Variants in ANO1 observed in about 807,000 individuals in gnomAD.
ANO1 encodes the protein anoctamin 1, also known as anoctamin-1.
ANO1 carries 59 observed loss-of-function variants against 124.0 expected under a neutral mutation model. The observed-to-expected ratio is 0.48, with a 90% CI of 0.39 to 0.59. The LOEUF is 0.59. Ranked by LOEUF, ANO1 falls within the 20% of genes least tolerant of loss-of-function variation. The pLI, the probability that ANO1 is intolerant of heterozygous loss-of-function variation, is 0.00. For synonymous variants in ANO1, 529 were observed against 532.0 expected, an observed-to-expected ratio of 0.99 and a Z score of 0.08; for missense variants, 1,059 against 1,328.0, an observed-to-expected ratio of 0.80 and a Z score of 3.15.
At chr11:70,162,568 G>A (rs1207693415) in intron 18 of ANO1, among the ~76,000 whole-genome samples, 1 of 152,110 alleles carries the variant, frequency 6.6e-6, no homozygotes, top group Non-Finnish European at 1.5e-5. Context: ...ATCCCAGGCT[G>A]CGGTGGGGCC....
At chr11:70,180,278 GTT>G (rs35515891) in intron 23 of ANO1, among the ~76,000 whole-genome samples, 1 of 148,172 alleles carries the variant, frequency 6.7e-6, no homozygotes. Context: ...TTTTCTGCAA[GTT>G]TTTTTTTTTT....
intron 2 of ANO1, among the ~76,000 whole-genome samples, chr11:70,096,727 G>A (rs972643304): frequency 7.9e-5 from 12 of 152,154 alleles, no homozygotes; most frequent in African/African-American, 2.9e-4. Context: ...TGGGCATGGT[G>A]GCACATGCCT....
intron 24 of ANO1, 92 bp from the exon 25 acceptor site, chr11:70,185,498 C>A: frequency 1.7e-6 from 2 of 1,191,254 alleles, no homozygotes; most frequent in Non-Finnish European, 2.4e-6. Flanking sequence ...CCAAGCTGAG[C>A]CTCTCCCAGG....
rs1022476361 is a variant in ANO1 at position 69,997,913 on chromosome 11, C to G, written c.58+11747C>G. Among the ~76,000 whole-genome samples the G allele has an allele frequency of 2.0e-5, 3 of 152,324 alleles. No individual in the cohort carries two copies. The East Asian group carries it at 5.8e-4, about 29-fold the overall frequency. The stretch of plus-strand genomic sequence containing the variant: ...AGATGCTGCCATGTTTCCTGTACAG[C>G]CTGCGGAGCCATCAGCCAAATTAAA... On this transcript the variant is annotated intron_variant, in intron 1 of 27. Transcript: ENST00000531349.
rs1225631957 is a variant in ANO1 at position 70,137,278 on chromosome 11, C to T, written c.1258+5199C>T. Among the ~76,000 whole-genome samples the T allele has an allele frequency of 3.4e-5, 5 of 146,286 alleles. 2 individuals are homozygous for T. Among genetic ancestry groups the T allele is most frequent in the Admixed American group, 7.3e-5 (1 of 13,724 alleles). On this transcript the variant is annotated intron_variant, in intron 11 of 25. Coordinates refer to ENST00000355303, the MANE Select transcript of ANO1 (RefSeq NM_018043.7). ...TTTCACAGAGGAGGAAAGTGAGGCT[C>T]CATTGGCACAGCCGGGAACTGAAGC...
intron 1 of ANO1, 51 bp downstream of exon 1, chr11:70,078,765 T>C: frequency 7.8e-7 from 1 of 1,275,822 alleles, no homozygotes; most frequent in Non-Finnish European, 1.0e-6. Flanking sequence ...ACCTGCGCCT[T>C]GGCGAGGGCG....
chr11:70,078,875 G>T (rs1174393989), intron 1 of ANO1, among the ~76,000 whole-genome samples, 161 bp downstream of exon 1: 6 of 150,900 alleles, frequency 4.0e-5, no homozygotes, highest in African/African-American at 1.5e-4. Flanking sequence ...GTGCCGGGAA[G>T]GGCGCGCCGG....
chr11:69,985,708 C>T (rs1276936278), upstream of ANO1, among the ~76,000 whole-genome samples: 4 of 152,184 alleles, frequency 2.6e-5, no homozygotes, highest in East Asian at 7.7e-4. Context: ...TGGAGACGCG[C>T]CCCGCGCAGC....
chr11:70,181,134 T>A (rs1238965354), intron 23 of ANO1, among the ~76,000 whole-genome samples: 2 of 152,122 alleles, frequency 1.3e-5, no homozygotes, highest in Non-Finnish European at 2.9e-5. Context: ...CCATGGGGAG[T>A]CTGCTGTGCC....
At chr11:70,175,517 C>T (rs557370165) in intron 22 of ANO1, among the ~76,000 whole-genome samples, 9 of 152,366 alleles carry the variant, frequency 5.9e-5, no homozygotes, top group Non-Finnish European at 1.2e-4. Flanking sequence ...GTGCCTTGAT[C>T]ACCCTGTCGT....
chr11:70,139,886 G>A (rs770029031), intron 11 of ANO1, among the ~76,000 whole-genome samples: 3 of 152,182 alleles, frequency 2.0e-5, no homozygotes, highest in Non-Finnish European at 4.4e-5. Context: ...AACTGGCTCC[G>A]GCTGGCGTGT....
intron 1 of ANO1, among the ~76,000 whole-genome samples, chr11:70,001,441 C>T (rs577744729): frequency 5.8e-4 from 88 of 152,284 alleles, no homozygotes; most frequent in African/African-American, 2.0e-3. Flanking sequence ...CACTCAGACA[C>T]GAGGATGGAT....
intron 1 of ANO1, among the ~76,000 whole-genome samples, chr11:70,008,316 T>C (rs1199711663): frequency 6.6e-6 from 1 of 152,176 alleles, no homozygotes; most frequent in African/African-American, 2.4e-5. Context: ...CAAGAAACAA[T>C]GCCAAGTCAT....
At chr11:70,073,418 C>T (rs782462471), upstream of ANO1, among the ~76,000 whole-genome samples, 5 of 152,166 alleles carry the variant, frequency 3.3e-5, no homozygotes, top group East Asian at 1.9e-4. Flanking sequence ...ACCCTAACCG[C>T]GCGACTTAAC....
intron 1 of ANO1, among the ~76,000 whole-genome samples, chr11:69,993,982 C>T (rs1274557482): frequency 1.3e-5 from 2 of 152,026 alleles, no homozygotes; most frequent in African/African-American, 4.8e-5. Context: ...CACGCATCTG[C>T]CCCACATTCA....
chr11:70,052,944 T>C (rs1020339217), intron 1 of ANO1, among the ~76,000 whole-genome samples: 1 of 152,218 alleles, frequency 6.6e-6, no homozygotes, highest in South Asian at 2.1e-4. Flanking sequence ...TTGTCTCTCT[T>C]AGTAATGTTT....
At chr11:70,007,059 C>G (rs76145066) in intron 1 of ANO1, among the ~76,000 whole-genome samples, 1 of 152,096 alleles carries the variant, frequency 6.6e-6, no homozygotes, top group Non-Finnish European at 1.5e-5. Context: ...GCTGTGCATA[C>G]TGAAACTCTG....
At chr11:69,966,378 C>T in the ANO1 span, among the ~76,000 whole-genome samples, 3 of 152,340 alleles carry the variant, frequency 2.0e-5, no homozygotes, top group East Asian at 5.8e-4. Context: ...CCCACACCTG[C>T]CACCTGGTTT....
chr11:70,062,931 T>G (rs1279421998), intron 1 of ANO1, among the ~76,000 whole-genome samples: 1 of 152,040 alleles, frequency 6.6e-6, no homozygotes, highest in Non-Finnish European at 1.5e-5. Context: ...TGTTGTTTGT[T>G]GTTGTTGTTG....
Sources: allele counts gnomAD v4.1 joint callset (sites outside exome capture counted in the v4.1 genomes callset), GRCh38; gene constraint gnomAD v4.1.1; transcripts MANE v1.5; gene names NCBI Gene and HGNC (gene_info 2026-07-23, HGNC 2026-07-21).